VMA12: variants seen among roughly 807,000 people sequenced by gnomAD.
VMA12 encodes the protein vacuolar ATPase assembly protein VMA12.
the VMA12 span, chr17:28,359,442 C>G: frequency 6.3e-7 from 1 of 1,597,386 alleles, no homozygotes; most frequent in Non-Finnish European, 8.6e-7. Context: ...CTAGGTAGCC[C>G]CTCAGAGTAG....
At chr17:28,357,995 G>T in the VMA12 span, 2 of 1,132,766 alleles carry the variant, frequency 1.8e-6, no homozygotes, top group Non-Finnish European at 2.5e-6. Context: ...GACAAGTCAA[G>T]AGTCACTCCA....
At chr17:28,357,864 A>C in the VMA12 span, 1 of 1,614,032 alleles carries the variant, frequency 6.2e-7, no homozygotes, top group Non-Finnish European at 8.5e-7. Flanking sequence ...GATCTGCACC[A>C]GCATCTGAGA....
the VMA12 span, chr17:28,359,004 T>C: frequency 1.3e-6 from 2 of 1,599,604 alleles, no homozygotes; most frequent in East Asian, 4.5e-5. Context: ...GTAAGGGATA[T>C]GTTTGTGAGA....
the VMA12 span, chr17:28,362,490 C>T: frequency 2.6e-5 from 4 of 152,130 alleles, no homozygotes; most frequent in African/African-American, 9.7e-5. Flanking sequence ...AGCGAAACCC[C>T]ATCTTTACTA....
At chr17:28,363,499 A>G in the VMA12 span, 1 of 152,166 alleles carries the variant, frequency 6.6e-6, no homozygotes, top group Non-Finnish European at 1.5e-5. Context: ...GAGCACAACA[A>G]TCCAGATTAA....
the VMA12 span, chr17:28,359,511 A>G: frequency 9.8e-7 from 1 of 1,023,500 alleles, no homozygotes; most frequent in Middle Eastern, 2.1e-4. Context: ...TGGTTTCTAT[A>G]CTGTTCAGGG....
chr17:28,359,225 A>T, the VMA12 span: 1 of 1,354,060 alleles, frequency 7.4e-7, no homozygotes, highest in South Asian at 1.2e-5. Flanking sequence ...TGATACCTTT[A>T]GCAGTGCTTT....
At chr17:28,357,971 G>A in the VMA12 span, 1 of 1,384,890 alleles carries the variant, frequency 7.2e-7, no homozygotes, top group Admixed American at 1.9e-5. Flanking sequence ...CTTCTTCTAC[G>A]GAGCACTCAT....
At chr17:28,361,953 A>C in the VMA12 span, 1 of 152,294 alleles carries the variant, frequency 6.6e-6, no homozygotes, top group Admixed American at 6.5e-5. Context: ...AAGTCTTGTA[A>C]TGTTTAACTT....
the VMA12 span, chr17:28,359,113 G>A: frequency 9.7e-7 from 1 of 1,035,708 alleles, no homozygotes; most frequent in South Asian, 1.7e-5. Context: ...GGATCTGGGG[G>A]AGCCAGATAT....
At chr17:28,361,941 T>C in the VMA12 span, 2 of 152,372 alleles carry the variant, frequency 1.3e-5, no homozygotes, top group African/African-American at 4.8e-5. Context: ...TATGTTGTTC[T>C]GAAGTCTTGT....
At chr17:28,359,073 A>G in the VMA12 span, 53 of 1,327,194 alleles carry the variant, frequency 4.0e-5, 1 homozygote, top group East Asian at 1.2e-3. Flanking sequence ...ATCAACTTTT[A>G]GGCTTGAAAA....
the VMA12 span, chr17:28,361,081 A>C: frequency 7.0e-7 from 1 of 1,432,722 alleles, no homozygotes; most frequent in South Asian, 1.2e-5. Context: ...GGGGCTCTCC[A>C]TCCTCATTAA....
chr17:28,363,603 A>T, the VMA12 span: 1 of 152,242 alleles, frequency 6.6e-6, no homozygotes, highest in South Asian at 2.1e-4. Flanking sequence ...TCCATCCCAG[A>T]TCTGTCAGGT....
the VMA12 span, chr17:28,362,043 A>G: frequency 6.6e-6 from 1 of 152,198 alleles, no homozygotes; most frequent in African/African-American, 2.4e-5. Context: ...TATTTATCCA[A>G]TAAATATTTA....
At chr17:28,359,259 T>G in the VMA12 span, 14 of 1,579,310 alleles carry the variant, frequency 8.9e-6, no homozygotes, top group Middle Eastern at 5.0e-4. Flanking sequence ...ATGATTGTGA[T>G]GTGCTTTCTA....
the VMA12 span, chr17:28,360,464 A>G: frequency 1.7e-6 from 2 of 1,145,480 alleles, no homozygotes; most frequent in African/African-American, 1.6e-5. Context: ...GGGCTGAGCC[A>G]GACTGTCAAT....
At chr17:28,359,409 G>A in the VMA12 span, 1 of 1,613,830 alleles carries the variant, frequency 6.2e-7, no homozygotes, top group Non-Finnish European at 8.5e-7. Context: ...TGTCAGGTAA[G>A]GACATGCTCT....
the VMA12 span, chr17:28,361,062 G>T: frequency 8.2e-7 from 1 of 1,212,278 alleles, no homozygotes; most frequent in Non-Finnish European, 1.2e-6. Context: ...CAACTTAGAG[G>T]GTGGTTGGGG....
Sources: allele counts gnomAD v4.1 joint callset, GRCh38; gene constraint gnomAD v4.1.1; transcripts MANE v1.5; gene names NCBI Gene and HGNC (gene_info 2026-07-23, HGNC 2026-07-21).